MAPT: variants seen among roughly 807,000 people sequenced by gnomAD.
The protein encoded by MAPT is microtubule-associated protein tau.
In MAPT, 34 loss-of-function variants were observed where a neutral mutation model predicts 67.9. The ratio of observed to expected loss-of-function variants is 0.50; its 90% CI spans 0.38 to 0.67. The LOEUF (loss-of-function observed/expected upper bound fraction) is 0.67. MAPT is among the 30% of genes least tolerant of loss of function. The pLI, the probability that MAPT is intolerant of heterozygous loss-of-function variation, is 0.00. For synonymous variants in MAPT, 456 were observed against 464.5 expected (o/e 0.98, Z 0.23); for missense variants, 881 against 1,115.2 (o/e 0.79, Z 2.99).
In MAPT at chr17:45,972,277, T is replaced by C. The variant is rs541371003; in HGVS notation, c.220+332T>C. Among the ~76,000 whole-genome samples the C allele has an allele frequency of 6.6e-5, 10 of 152,254 alleles. No individual in the cohort carries two copies. In the East Asian group the frequency reaches 1.7e-3, roughly 27 times the overall value. ...CTCTCTTTCTTCAGGGGCCAGTAGG[T>C]CCCAGAGCAGCCATTTGGCTGAGGG... On this transcript the variant is annotated intron_variant, in intron 3 of 12. Transcript: ENST00000262410.
chr17:46,020,011 CACAAA>C (rs2076424789), intron 12 of MAPT, among the ~76,000 whole-genome samples: 5 of 56,224 alleles, frequency 8.9e-5, no homozygotes, highest in Non-Finnish European at 1.2e-4. Flanking sequence ...GATTCCATCT[CACAAA>C]AAAAAAAAAA....
At chr17:45,959,280 A>G (rs2070113744) in intron 1 of MAPT, among the ~76,000 whole-genome samples, 1 of 152,214 alleles carries the variant, frequency 6.6e-6, no homozygotes, top group Non-Finnish European at 1.5e-5. Flanking sequence ...ATCCTCATTA[A>G]CATATCATTA....
chr17:45,954,703 G>A (rs1313037564), intron 1 of MAPT, among the ~76,000 whole-genome samples: 3 of 152,126 alleles, frequency 2.0e-5, no homozygotes, highest in East Asian at 1.9e-4. Context: ...AAAGCTGGCC[G>A]GGCATGGTGG....
chr17:45,961,126 G>A (rs776062660), intron 1 of MAPT, among the ~76,000 whole-genome samples: 3 of 151,378 alleles, frequency 2.0e-5, no homozygotes, highest in African/African-American at 4.9e-5. Flanking sequence ...AGCAGAGATC[G>A]CGACACTGCA....
intron 1 of MAPT, among the ~76,000 whole-genome samples, chr17:45,902,877 T>C (rs1293864129): frequency 1.3e-5 from 2 of 152,210 alleles, no homozygotes; most frequent in African/African-American, 4.8e-5. Context: ...TCCACCCTAC[T>C]GCTAAATCCA....
In MAPT at chr17:45,983,441, G is replaced by A. The variant is rs76375268; in HGVS notation, c.862G>A (p.Gly288Arg). The A allele has an allele frequency of 2.7e-3, 4,383 of 1,606,902 alleles. 69 individuals carry two copies. In the African/African-American group the frequency reaches 0.033, roughly 12 times the overall value. ...GGGGGCAGGGGGCAAAGAGAGGCCG[G>A]GGAGCAAGGAGGAGGTGGATGAAGA... ...LKGAGGKERP[G>R]SKEEVDEDRD... Residue 288 changes from glycine (G) to arginine (R), a missense_variant, in exon 5 of 13, where the codon GGG becomes AGG. Transcript: ENST00000262410.
Position 46,027,143 on chromosome 17 carries a change from T to C in MAPT, c.*2972T>C, listed in dbSNP as rs17574228. On this transcript the variant is annotated 3_prime_UTR_variant, in exon 13 of 13. Transcript: ENST00000262410. Reference sequence around the variant, plus strand: ...CCTCATTACTGCCAACAGTTTCGGCTGCATTTCTTCACGCACCTCGGTTCC... The same window carrying C: ...CCTCATTACTGCCAACAGTTTCGGCCGCATTTCTTCACGCACCTCGGTTCC... 0.14 allele frequency: 21,802 copies of C among 152,328 alleles called. 2,129 individuals carry two copies. The highest frequency in any genetic ancestry group is 0.22 in the Non-Finnish European group (14,755 of 68,038). 9.4% of individuals were successfully genotyped at this position (152,328 alleles called of 1,614,324 possible). A position where few individuals can be genotyped will look rare whatever the true frequency, so the allele number is the denominator to read the frequency against.
chr17:45,971,542 C>T lies in MAPT; in HGVS notation c.134-317C>T, dbSNP rs1323447913. The stretch of plus-strand genomic sequence containing the variant: ...GCTCGGCTTTCTGGTATTTGCTGCC[C>T]GTTGACCAATGGAAGATAAACCTTT... On this transcript the variant is annotated intron_variant, in intron 2 of 12. Coordinates refer to ENST00000262410, the MANE Select transcript of MAPT (RefSeq NM_001377265.1). This position sits in a 1 kb window ranked among gnomAD's most constrained non-coding sequence, Gnocchi z 4.3. 6.6e-6 allele frequency among the ~76,000 whole-genome samples: 1 copy of T among 151,804 alleles called. No homozygotes were observed. The highest frequency in any genetic ancestry group is 2.4e-5 in the African/African-American group (1 of 41,412).
chr17:45,949,316 G>T (rs2068825229), intron 1 of MAPT, among the ~76,000 whole-genome samples: 1 of 152,266 alleles, frequency 6.6e-6, no homozygotes, highest in Non-Finnish European at 1.5e-5. Flanking sequence ...TAGACTGGAA[G>T]CTCGGTCCAG....
At chr17:45,918,477 C>T (rs1393655242) in intron 1 of MAPT, among the ~76,000 whole-genome samples, 1 of 152,174 alleles carries the variant, frequency 6.6e-6, no homozygotes, top group African/African-American at 2.4e-5. Flanking sequence ...CATAGCACCT[C>T]TCTTTCAGGG....
intron 1 of MAPT, among the ~76,000 whole-genome samples, chr17:45,934,842 C>G (rs1171146421): frequency 1.3e-5 from 2 of 152,128 alleles, no homozygotes; most frequent in Non-Finnish European, 2.9e-5. Flanking sequence ...CTTTTCCTTG[C>G]TAGACAGAAG....
At position 46,010,277 on chromosome 17, in the gene MAPT, C is replaced by T; in HGVS notation, c.1999-33C>T. 4.2e-6 allele frequency: 6 copies of T among 1,443,306 alleles called. No individual in the cohort carries two copies. The highest frequency in any genetic ancestry group is 4.8e-6 in the Non-Finnish European group (5 of 1,048,698). 89.4% of individuals were successfully genotyped at this position (1,443,306 alleles called of 1,614,324 possible). A position where few individuals can be genotyped will look rare whatever the true frequency, so the allele number is the denominator to read the frequency against. On this transcript the variant is annotated intron_variant, in intron 9 of 12. Coordinates refer to ENST00000262410, the MANE Select transcript of MAPT (RefSeq NM_001377265.1). The surrounding 1 kb of genome is among the most constrained non-coding windows in gnomAD (Gnocchi z 4.7). ...GAGCAAGCAGGCGGGTCCAGGGTGG[C>T]GTGTCACTCATCCTTTTTTCTGGCT...
chr17:45,994,640 T>A (rs1164606813), intron 8 of MAPT, among the ~76,000 whole-genome samples: 1 of 152,086 alleles, frequency 6.6e-6, no homozygotes, highest in East Asian at 1.9e-4. Flanking sequence ...CTGAGCAACA[T>A]AGTCAGACCC....
chr17:45,917,022 C>T (rs1787868394), intron 1 of MAPT, among the ~76,000 whole-genome samples: 1 of 152,234 alleles, frequency 6.6e-6, no homozygotes, highest in African/African-American at 2.4e-5. Context: ...TTTGAGATCC[C>T]AAGAAATGAA....
At chr17:45,949,810 G>A (rs571389990) in intron 1 of MAPT, among the ~76,000 whole-genome samples, 2 of 152,272 alleles carry the variant, frequency 1.3e-5, no homozygotes, top group South Asian at 4.1e-4. Flanking sequence ...AAGTTAGAAG[G>A]AATGGGAAGG....
At chr17:46,007,306 G>A (rs1307032545) in intron 9 of MAPT, among the ~76,000 whole-genome samples, 2 of 151,918 alleles carry the variant, frequency 1.3e-5, no homozygotes, top group African/African-American at 4.8e-5. Context: ...GTGACATAGC[G>A]AGACCCCATC....
intron 5 of MAPT, among the ~76,000 whole-genome samples, chr17:45,986,179 G>C (rs550479495): frequency 1.3e-5 from 2 of 152,196 alleles, no homozygotes; most frequent in Admixed American, 6.5e-5. Flanking sequence ...GTGAGAATTC[G>C]TGCCCTTTGA....
Position 45,983,317 on chromosome 17 carries a change from G to A in MAPT, c.738G>A (p.Ser246=), listed in dbSNP as rs776395109. 7 of 1,601,384 alleles carry A rather than the reference G, an allele frequency of 4.4e-6. No individual in the cohort carries two copies. Among genetic ancestry groups the A allele is most frequent in the South Asian group, 3.4e-5 (3 of 89,290 alleles). ...EGPREATRQP[S]GTGPEDTEGG... ...CCAGAGAGGCCACACGCCAACCTTC[G>A]GGGACAGGACCTGAGGACACAGAGG... The change falls in exon 5 of 13, where the codon TCG becomes TCA. Residue 246 remains serine, a synonymous_variant. Transcript: ENST00000262410.
At chr17:46,005,467 A>T (rs1259168753) in intron 9 of MAPT, among the ~76,000 whole-genome samples, 1 of 152,220 alleles carries the variant, frequency 6.6e-6, no homozygotes, top group Non-Finnish European at 1.5e-5. Flanking sequence ...ATGAATAAAA[A>T]ATGATCGTCA....
Sources: gnomAD v4.1 joint callset for allele counts (sites outside exome capture counted in the v4.1 genomes callset) on GRCh38, gnomAD v4.1.1 for gene constraint, Gnocchi (gnomAD v3.1) non-coding constraint, MANE v1.5 for transcripts, NCBI Gene and HGNC (gene_info 2026-07-23, HGNC 2026-07-21) for gene names.